Variants in NRG3 observed in about 807,000 individuals in gnomAD.
The protein encoded by NRG3 is neuregulin 3, also known as pro-neuregulin-3, membrane-bound isoform.
NRG3 carries 31 observed loss-of-function variants against 66.9 expected under a neutral mutation model. The ratio of observed to expected loss-of-function variants is 0.46; its 90% CI spans 0.35 to 0.63. The LOEUF is 0.63. NRG3 is among the 20% of genes least tolerant of loss of function. The probability of loss-of-function intolerance (pLI) is 0.00; values close to 1 mark genes in which losing one functional copy is unlikely to be tolerated. For synonymous variants in NRG3, 393 were observed against 359.4 expected (o/e 1.09, Z -1.06); for missense variants, 910 against 878.9 (o/e 1.04, Z -0.45).
At chr10:82,343,745 G>C (rs183448755) in intron 1 of NRG3, among the ~76,000 whole-genome samples, 1 of 151,940 alleles carries the variant, frequency 6.6e-6, no homozygotes. Flanking sequence ...ATTCTATATG[G>C]TAACTAACCA....
intron 3 of NRG3, among the ~76,000 whole-genome samples, chr10:82,744,237 C>T (rs138505430): frequency 0.01 from 1,543 of 152,240 alleles, 24 homozygotes; most frequent in African/African-American, 0.036. Context: ...ATAATAATCA[C>T]AGATCCTATT....
chr10:82,026,781 T>G (rs1478798213), intron 1 of NRG3, among the ~76,000 whole-genome samples: 1 of 151,942 alleles, frequency 6.6e-6, no homozygotes, highest in Non-Finnish European at 1.5e-5. Flanking sequence ...GCAAGTTCAG[T>G]GAATACTGTC....
chr10:82,483,996 T>C (rs969511039), intron 2 of NRG3, among the ~76,000 whole-genome samples: 2 of 152,278 alleles, frequency 1.3e-5, no homozygotes, highest in African/African-American at 4.8e-5. Flanking sequence ...GTTCAAACTT[T>C]TAATCTCCAG....
intron 2 of NRG3, among the ~76,000 whole-genome samples, chr10:82,399,749 C>A (rs1411634446): frequency 6.6e-6 from 1 of 152,112 alleles, no homozygotes; most frequent in Non-Finnish European, 1.5e-5. Context: ...TTTGAGGGGA[C>A]ACAAATATGC....
chr10:82,667,221 C>G (rs773736205), intron 2 of NRG3, among the ~76,000 whole-genome samples: 1 of 152,086 alleles, frequency 6.6e-6, no homozygotes, highest in Non-Finnish European at 1.5e-5. Context: ...ATTCTCATAA[C>G]CAACTCTTCT....
chr10:82,644,762 T>C (rs1259553651), intron 2 of NRG3, among the ~76,000 whole-genome samples: 1 of 152,014 alleles, frequency 6.6e-6, no homozygotes, highest in Non-Finnish European at 1.5e-5. Context: ...ATTTACAGAG[T>C]TGTAAAATAA....
chr10:82,513,319 G>A (rs1271317141), intron 2 of NRG3, among the ~76,000 whole-genome samples: 3 of 152,254 alleles, frequency 2.0e-5, no homozygotes, highest in Non-Finnish European at 2.9e-5. Context: ...GTATTTCAAG[G>A]TGTACATGTA....
intron 2 of NRG3, among the ~76,000 whole-genome samples, chr10:82,630,117 G>A (rs1339722208): frequency 6.6e-6 from 1 of 152,130 alleles, no homozygotes; most frequent in African/African-American, 2.4e-5. Flanking sequence ...TGGCAACCAT[G>A]CTGCCTAATA....
intron 3 of NRG3, among the ~76,000 whole-genome samples, chr10:82,805,423 G>GT (rs2061235612): frequency 6.6e-6 from 1 of 152,070 alleles, no homozygotes; most frequent in African/African-American, 2.4e-5. Context: ...TTGTCTCTGC[G>GT]TCTTTTGTCC....
At chr10:82,479,664 C>CAAAA (rs35572219) in intron 2 of NRG3, among the ~76,000 whole-genome samples, 26 of 59,390 alleles carry the variant, frequency 4.4e-4, no homozygotes, top group African/African-American at 1.6e-3. Flanking sequence ...AACTCTGTCT[C>CAAAA]AAAAAAAAAA....
At chr10:82,935,234 A>G (rs946650745) in intron 4 of NRG3, among the ~76,000 whole-genome samples, 1 of 152,246 alleles carries the variant, frequency 6.6e-6, no homozygotes, top group African/African-American at 2.4e-5. Flanking sequence ...GCCAAATATC[A>G]GAATGGGGAA....
At chr10:82,292,171 A>G (rs1195784519) in intron 1 of NRG3, among the ~76,000 whole-genome samples, 1 of 152,192 alleles carries the variant, frequency 6.6e-6, no homozygotes, top group Non-Finnish European at 1.5e-5. Flanking sequence ...ATTGAGAGAC[A>G]TTTCCCCAAA....
At chr10:82,781,373 C>T (rs1383616905) in intron 3 of NRG3, among the ~76,000 whole-genome samples, 1 of 152,130 alleles carries the variant, frequency 6.6e-6, no homozygotes, top group Non-Finnish European at 1.5e-5. Flanking sequence ...AAAATCAATA[C>T]TTCTTAATCT....
At chr10:82,288,730 G>A (rs1439215700) in intron 1 of NRG3, among the ~76,000 whole-genome samples, 13 of 152,220 alleles carry the variant, frequency 8.5e-5, no homozygotes, top group Admixed American at 8.5e-4. Flanking sequence ...ATGGTTTGCA[G>A]CAGCACCCAG....
intron 2 of NRG3, among the ~76,000 whole-genome samples, chr10:82,547,503 A>C (rs943912781): frequency 6.6e-6 from 1 of 150,818 alleles, no homozygotes; most frequent in African/African-American, 2.4e-5. Flanking sequence ...ATATGTGTAT[A>C]TATATATTCC....
intron 1 of NRG3, among the ~76,000 whole-genome samples, chr10:82,092,874 T>TG (rs1435568509): frequency 1.3e-5 from 2 of 152,150 alleles, no homozygotes; most frequent in Non-Finnish European, 2.9e-5. Flanking sequence ...GACTGCTTGG[T>TG]GCTGTTGCTG....
intron 2 of NRG3, among the ~76,000 whole-genome samples, chr10:82,675,955 A>G (rs1378171465): frequency 6.6e-6 from 1 of 152,196 alleles, no homozygotes; most frequent in African/African-American, 2.4e-5. Flanking sequence ...GAATCCATCC[A>G]AATATAAAAA....
chr10:82,686,297 C>T (rs752100346), intron 2 of NRG3, among the ~76,000 whole-genome samples: 1 of 151,950 alleles, frequency 6.6e-6, no homozygotes, highest in Non-Finnish European at 1.5e-5. Context: ...AAGCGATTCT[C>T]CTGCCTCAAC....
intron 2 of NRG3, among the ~76,000 whole-genome samples, chr10:82,385,770 T>C (rs2085940242): frequency 6.6e-6 from 1 of 152,120 alleles, no homozygotes; most frequent in Non-Finnish European, 1.5e-5. Flanking sequence ...TAGTAAGGTG[T>C]GTTTATAAAA....
Sources: allele counts gnomAD v4.1 joint callset (sites outside exome capture counted in the v4.1 genomes callset), GRCh38; gene constraint gnomAD v4.1.1; transcripts MANE v1.5; gene names NCBI Gene and HGNC (gene_info 2026-07-23, HGNC 2026-07-21).